The following PLEKHG5 variants were observed in gnomAD, a reference collection of about 807,000 sequenced individuals.
The protein encoded by PLEKHG5 is pleckstrin homology domain-containing family G member 5.
Under a neutral mutation model 103.8 loss-of-function variants are expected in PLEKHG5, and 52 were observed. The ratio of observed to expected loss-of-function variants is 0.50; its 90% CI spans 0.40 to 0.63. PLEKHG5 has a LOEUF of 0.63. PLEKHG5 is among the 30% of genes least tolerant of loss of function. The pLI is 0.00. For missense variants in PLEKHG5, 1,205 were observed against 1,347.6 expected (o/e 0.89, Z 1.66); for synonymous variants, 592 against 575.5 (o/e 1.03, Z -0.41).
upstream of PLEKHG5, among the ~76,000 whole-genome samples, chr1:6,501,515 T>A (rs955627984): frequency 6.6e-6 from 1 of 152,282 alleles, no homozygotes; most frequent in Non-Finnish European, 1.5e-5. The surrounding 1 kb of genome is among the most constrained non-coding windows in gnomAD (Gnocchi z 4.3). Flanking sequence ...CGACACACAA[T>A]GACCACAGCT....
intron 1 of PLEKHG5, chr1:6,485,578 A>T (rs1427694748): frequency 4.4e-5 from 33 of 757,888 alleles, no homozygotes; most frequent in Non-Finnish European, 2.8e-5. Context: ...AACAGCCCCC[A>T]GCCCCCCAGG....
chr1:6,489,283 C>A (rs548929806), intron 1 of PLEKHG5, among the ~76,000 whole-genome samples: 1 of 152,214 alleles, frequency 6.6e-6, no homozygotes, highest in East Asian at 1.9e-4. Flanking sequence ...CTCTACGCTC[C>A]ACCCGGCCTA....
At chr1:6,498,779 CTG>C (rs1645263661), upstream of PLEKHG5, among the ~76,000 whole-genome samples, 1 of 152,250 alleles carries the variant, frequency 6.6e-6, no homozygotes, top group Non-Finnish European at 1.5e-5. Context: ...CACCCCCACA[CTG>C]TGCTCATTTC....
chr1:6,472,259 A>G (rs1043674743), intron 10 of PLEKHG5, among the ~76,000 whole-genome samples: 24 of 152,252 alleles, frequency 1.6e-4, no homozygotes, highest in African/African-American at 5.1e-4. Context: ...CCCAGCACAC[A>G]GCAAGTGTTG....
chr1:6,515,646 C>T (rs947723526), intron 1 of PLEKHG5, among the ~76,000 whole-genome samples: 4 of 151,502 alleles, frequency 2.6e-5, no homozygotes, highest in Admixed American at 2.6e-4. Flanking sequence ...GACAACAGAG[C>T]AAGACTCTGT....
upstream of PLEKHG5, among the ~76,000 whole-genome samples, chr1:6,498,882 C>T (rs750995406): frequency 4.9e-4 from 75 of 152,208 alleles, 1 homozygote; most frequent in Non-Finnish European, 1.9e-4. Context: ...AGGCAAGAGA[C>T]GGCCCTGTGA....
intron 12 of PLEKHG5, 35 bp from the exon 13 acceptor site, chr1:6,471,135 CCG>C (rs762695708): frequency 1.3e-6 from 2 of 1,513,310 alleles, no homozygotes; most frequent in South Asian, 1.2e-5. Context: ...GCGCCGGTTA[CCG>C]CGCGCTCCCT....
chr1:6,478,005 C>G (rs1048641637), intron 1 of PLEKHG5, among the ~76,000 whole-genome samples: 2 of 152,142 alleles, frequency 1.3e-5, no homozygotes, highest in Non-Finnish European at 2.9e-5. Flanking sequence ...CTCAGCCTCC[C>G]CAGTAGCTGG....
intron 1 of PLEKHG5, among the ~76,000 whole-genome samples, chr1:6,514,595 T>TA (rs2148639202): frequency 6.6e-6 from 1 of 151,586 alleles, no homozygotes; most frequent in Non-Finnish European, 1.5e-5. Context: ...ACCTTGTCTC[T>TA]ACTAAAAATA....
Position 6,470,331 on chromosome 1 carries a change from C to T in PLEKHG5, c.1705G>A (p.Asp569Asn), listed in dbSNP as rs200641225. The T allele has an allele frequency of 5.6e-4, 907 of 1,613,990 alleles. No homozygotes were observed. The highest frequency in any genetic ancestry group is 7.4e-4 in the Non-Finnish European group (876 of 1,180,034). The change falls in exon 16 of 21, where the codon GAC becomes AAC. Residue 569 changes from aspartate to asparagine, a missense_variant. Physicochemically the swap from Asp to Asn is conservative, Grantham distance 23 (BLOSUM62 1). Transcript: ENST00000377728. The stretch of plus-strand genomic sequence containing the variant: ...GCGCCAGGGATGGGCGCTGTCAAGT[C>T]CAGGTGCAGAAATTCCTTCAGGAGC... ...DKLLKEFLHL[D>N]LTAPIPGASP...
In PLEKHG5 at chr1:6,490,343, G is replaced by T; in HGVS notation, c.-88+1294C>A. 1.7e-6 allele frequency: 1 copy of T among 582,366 alleles called. No individual in the cohort carries two copies. The highest frequency in any genetic ancestry group is 2.2e-6 in the Non-Finnish European group (1 of 463,188). The allele number at this position is 582,366 out of a possible 1,614,324, so 36.1% of individuals were successfully genotyped here. A position where few individuals can be genotyped will look rare whatever the true frequency, so the allele number is the denominator to read the frequency against. ...TACCCACCCACAGGCCTGGCACTACGTGGGAATCTCGAATCCGGGTTCTGT... is the reference window on the plus strand; with the variant it reads ...TACCCACCCACAGGCCTGGCACTACTTGGGAATCTCGAATCCGGGTTCTGT... On this transcript the variant is annotated intron_variant, in intron 1 of 20. Coordinates refer to ENST00000377728, the MANE Select transcript of PLEKHG5 (RefSeq NM_020631.6). This position sits in a 1 kb window ranked among gnomAD's most constrained non-coding sequence, Gnocchi z 8.0.
intron 1 of PLEKHG5, among the ~76,000 whole-genome samples, chr1:6,512,504 C>T (rs1054746685): frequency 1.1e-4 from 17 of 152,200 alleles, no homozygotes; most frequent in Non-Finnish European, 2.2e-4. Flanking sequence ...CAGGCCCACT[C>T]GGCTCACCAG....
chr1:6,470,744 G>T lies in PLEKHG5; in HGVS notation c.1533C>A (p.Val511=). ...KTEEPRAKEA[V]VAMIGSVERF... ...TGGCCATCAGGGTTACCATGGCGAC[G>T]ACGGCCTCCTTGGCGCGCGGCTCCT... The change falls in exon 14 of 21, where the codon GTC becomes GTA. Residue 511 remains valine (V), a synonymous_variant. Coordinates refer to ENST00000377728, the MANE Select transcript of PLEKHG5 (RefSeq NM_020631.6). The T allele has an allele frequency of 6.4e-7, 1 of 1,559,654 alleles. No homozygotes were observed.
rs750902394 is a variant in PLEKHG5, at chr1:6,469,149, T to C, written c.2142A>G (p.Glu714=). The part of the protein sequence containing the change: ...LEEEEDEQEE[E]EEEEEEEEEG... ...CCTCCTCCTCCTCCTCCTCCTCCTC[T>C]TCCTCCTCCTGCTCATCCTCCTCCT... The change falls in exon 19 of 21, where the codon GAA becomes GAG. Residue 714 remains glutamate, a synonymous_variant. Transcript: ENST00000377728. 10 of 1,598,036 alleles carry C rather than the reference T, an allele frequency of 6.3e-6. No individual in the cohort carries two copies. Among genetic ancestry groups the C allele is most frequent in the Non-Finnish European group, 8.6e-6 (10 of 1,168,428 alleles).
chr1:6,511,545 A>G (rs1261704822), intron 1 of PLEKHG5, among the ~76,000 whole-genome samples: 3 of 152,212 alleles, frequency 2.0e-5, no homozygotes, highest in African/African-American at 7.2e-5. Context: ...CGCCCCCAAG[A>G]CAGGAGGGAT....
At chr1:6,511,326 G>A (rs568336134) in intron 1 of PLEKHG5, among the ~76,000 whole-genome samples, 1 of 152,258 alleles carries the variant, frequency 6.6e-6, no homozygotes, top group South Asian at 2.1e-4. Context: ...GGTGGGGGAT[G>A]GACCAAAGAG....
chr1:6,513,259 C>T (rs1035312768), intron 1 of PLEKHG5, among the ~76,000 whole-genome samples: 2 of 152,246 alleles, frequency 1.3e-5, no homozygotes, highest in Non-Finnish European at 2.9e-5. Context: ...AACCATCTCT[C>T]ACCAGGGCTG....
chr1:6,502,578 C>T (rs61134140), intron 1 of PLEKHG5, among the ~76,000 whole-genome samples: 5,224 of 152,368 alleles, frequency 0.034, 276 homozygotes, highest in African/African-American at 0.11. Context: ...GAGGCTACTG[C>T]GGGCGCCTGC....
intron 10 of PLEKHG5, 89 bp downstream of exon 10, chr1:6,472,438 G>A (rs916672801): frequency 4.2e-6 from 4 of 952,396 alleles, no homozygotes; most frequent in Admixed American, 1.9e-5. Flanking sequence ...CCAGGCACCT[G>A]CTCCTTCTGC....
Sources: allele counts gnomAD v4.1 joint callset (sites outside exome capture counted in the v4.1 genomes callset), GRCh38; gene constraint gnomAD v4.1.1; non-coding constraint Gnocchi (gnomAD v3.1); transcripts MANE v1.5; gene names NCBI Gene and HGNC (gene_info 2026-07-23, HGNC 2026-07-21).